ATXN7L1: variants seen among roughly 807,000 people sequenced by gnomAD.
The protein encoded by ATXN7L1 is ataxin 7 like 1.
ATXN7L1 carries 15 observed loss-of-function variants against 70.8 expected under a neutral mutation model. The observed-to-expected ratio is 0.21, with a 90% CI of 0.14 to 0.33. ATXN7L1 has a LOEUF of 0.33. ATXN7L1 is among the 10% of genes least tolerant of loss of function. The pLI is 1.00. For synonymous variants in ATXN7L1, 440 were observed against 445.1 expected (o/e 0.99, Z 0.14); for missense variants, 975 against 1,097.1 (o/e 0.89, Z 1.57).
intron 3 of ATXN7L1, among the ~76,000 whole-genome samples, chr7:105,728,138 AT>A (rs1329487001): frequency 1.3e-5 from 2 of 152,184 alleles, no homozygotes; most frequent in African/African-American, 2.4e-5. Context: ...GATCTTAGGA[AT>A]GAATGCAGAC....
chr7:105,874,805 C>G (rs570114263), intron 2 of ATXN7L1, among the ~76,000 whole-genome samples: 14 of 152,176 alleles, frequency 9.2e-5, no homozygotes, highest in Non-Finnish European at 7.3e-5. Context: ...GGGTGACATC[C>G]CTTTTTATGA....
intron 3 of ATXN7L1, among the ~76,000 whole-genome samples, chr7:105,732,360 C>T (rs1332244507): frequency 6.6e-6 from 1 of 152,168 alleles, no homozygotes; most frequent in African/African-American, 2.4e-5. Context: ...TGGCAGTGAG[C>T]TGATATTGCT....
chr7:105,747,359 G>A (rs1202179183), intron 3 of ATXN7L1, among the ~76,000 whole-genome samples: 4 of 152,204 alleles, frequency 2.6e-5, no homozygotes, highest in African/African-American at 9.7e-5. Flanking sequence ...AGCTGAACAC[G>A]TGGATGCTTA....
At chr7:105,739,372 T>C (rs529552591) in intron 3 of ATXN7L1, among the ~76,000 whole-genome samples, 13 of 152,354 alleles carry the variant, frequency 8.5e-5, no homozygotes, top group African/African-American at 2.2e-4. Context: ...GTGAGTTGCA[T>C]GTACCCTAAA....
chr7:105,645,320 CA>C, intron 4 of ATXN7L1, among the ~76,000 whole-genome samples: 1 of 152,226 alleles, frequency 6.6e-6, no homozygotes, highest in African/African-American at 2.4e-5. Flanking sequence ...ATGCAAATTA[CA>C]AAACTCTTAC....
intron 3 of ATXN7L1, among the ~76,000 whole-genome samples, chr7:105,770,602 G>T (rs1409671797): frequency 6.6e-6 from 1 of 152,140 alleles, no homozygotes; most frequent in Non-Finnish European, 1.5e-5. Context: ...AGAGGAAATG[G>T]GGGTGGAGGT....
intron 2 of ATXN7L1, among the ~76,000 whole-genome samples, chr7:105,846,809 A>C (rs939395183): frequency 1.3e-5 from 2 of 152,234 alleles, no homozygotes; most frequent in African/African-American, 4.8e-5. Flanking sequence ...ACCTGCTACC[A>C]CATGAATGAA....
chr7:105,749,345 T>C (rs777133869), intron 3 of ATXN7L1, among the ~76,000 whole-genome samples: 36 of 151,954 alleles, frequency 2.4e-4, no homozygotes, highest in Non-Finnish European at 4.7e-4. Context: ...AGTGGGCTTT[T>C]CAAAAGAAGT....
At chr7:105,801,066 GTAA>G (rs1315642461) in intron 2 of ATXN7L1, among the ~76,000 whole-genome samples, 16 of 152,248 alleles carry the variant, frequency 1.1e-4, no homozygotes, top group African/African-American at 3.9e-4. Flanking sequence ...AAATGGGGTG[GTAA>G]TAATAGGGTA....
chr7:105,781,973 G>A (rs1338912681), intron 3 of ATXN7L1, among the ~76,000 whole-genome samples: 2 of 152,254 alleles, frequency 1.3e-5, no homozygotes, highest in South Asian at 2.1e-4. Flanking sequence ...CCAAGTAGCT[G>A]GAGCACAACA....
intron 2 of ATXN7L1, among the ~76,000 whole-genome samples, chr7:105,865,499 T>G (rs1464703344): frequency 1.3e-5 from 2 of 152,034 alleles, no homozygotes; most frequent in Admixed American, 6.5e-5. Flanking sequence ...CCTCCCGGGT[T>G]CAAGTGATTC....
At chr7:105,862,746 G>A (rs1389950272) in intron 2 of ATXN7L1, among the ~76,000 whole-genome samples, 1 of 152,156 alleles carries the variant, frequency 6.6e-6, no homozygotes. Flanking sequence ...CAGCTCCTCT[G>A]GGACCAGCAG....
rs1417983519 is a variant in ATXN7L1 at position 105,614,698 on chromosome 7, C to T, written c.1636G>A (p.Ala546Thr). Residue 546 changes from alanine to threonine, a missense_variant, in exon 10 of 12, where the codon GCT becomes ACT. Around this residue, in one of 5 missense-constraint regions of ATXN7L1, gnomAD observed 635 missense variants for 699.4 expected, o/e 0.91. Transcript: ENST00000419735. The surrounding 1 kb of genome is among the most constrained non-coding windows in gnomAD (Gnocchi z 4.3). Reference sequence around the variant, plus strand: ...GAGGTGAGCCTCGAGCTGATGGGAGCTGAAGGAAGATACACAGCACTGGGG... The same window carrying T: ...GAGGTGAGCCTCGAGCTGATGGGAGTTGAAGGAAGATACACAGCACTGGGG... ...SNPSAVYLPS[A>T]PISSRLTSSY... 1 of 1,551,652 alleles carries T rather than the reference C, an allele frequency of 6.4e-7. No individual in the cohort carries two copies. The highest frequency in any genetic ancestry group is 1.2e-5 in the South Asian group (1 of 84,048).
At chr7:105,642,608 G>A (rs1385425814) in intron 5 of ATXN7L1, among the ~76,000 whole-genome samples, 1 of 152,250 alleles carries the variant, frequency 6.6e-6, no homozygotes, top group Admixed American at 6.5e-5. Flanking sequence ...GGTTGCTAGG[G>A]TAACTCCCGC....
intron 4 of ATXN7L1, among the ~76,000 whole-genome samples, chr7:105,651,396 T>A (rs1277918839): frequency 6.6e-6 from 1 of 152,238 alleles, no homozygotes; most frequent in Admixed American, 6.5e-5. Context: ...GATCCCAGCA[T>A]CTGCTCTCAT....
At chr7:105,681,061 T>C (rs1358284962) in intron 3 of ATXN7L1, among the ~76,000 whole-genome samples, 1 of 152,212 alleles carries the variant, frequency 6.6e-6, no homozygotes, top group Non-Finnish European at 1.5e-5. Flanking sequence ...ATATTTACTC[T>C]AGCTTCTGAA....
chr7:105,677,438 G>C (rs1391810870), intron 3 of ATXN7L1, among the ~76,000 whole-genome samples: 2 of 152,138 alleles, frequency 1.3e-5, no homozygotes, highest in Non-Finnish European at 2.9e-5. Flanking sequence ...CACATCACAC[G>C]CTGTAATTAC....
chr7:105,721,557 G>A (rs528171474), intron 3 of ATXN7L1, among the ~76,000 whole-genome samples: 74 of 152,332 alleles, frequency 4.9e-4, no homozygotes, highest in African/African-American at 1.7e-3. Flanking sequence ...TTTGCCACAT[G>A]GGAAGTAGTC....
At chr7:105,852,171 A>T (rs965183229) in intron 2 of ATXN7L1, among the ~76,000 whole-genome samples, 1 of 151,892 alleles carries the variant, frequency 6.6e-6, no homozygotes, top group Admixed American at 6.6e-5. Context: ...GTCCCCCATG[A>T]ATTTTGCCAG....
Sources: allele counts gnomAD v4.1 joint callset (sites outside exome capture counted in the v4.1 genomes callset), GRCh38; gene constraint gnomAD v4.1.1; regional missense constraint gnomAD v4.1.1; non-coding constraint Gnocchi (gnomAD v3.1); transcripts MANE v1.5; gene names NCBI Gene and HGNC (gene_info 2026-07-23, HGNC 2026-07-21).